Variants in CHD7 observed in about 807,000 individuals in gnomAD.
CHD7 encodes chromodomain helicase DNA binding protein 7.
CHD7 carries 24 observed loss-of-function variants against 307.3 expected under a neutral mutation model. The ratio of observed to expected loss-of-function variants is 0.08; its 90% CI spans 0.06 to 0.11. The LOEUF (loss-of-function observed/expected upper bound fraction) is 0.11, where lower values mean the gene tolerates loss of function less well. Among genes scored for constraint, CHD7 ranks in the 10% least tolerant of loss-of-function variants. The pLI is 1.00. For missense variants in CHD7, 3,106 were observed against 3,727.1 expected (o/e 0.83, Z 4.34); for synonymous variants, 1,363 against 1,349.9 (o/e 1.01, Z -0.21).
chr8:60,707,739 A>G (rs1458374639), intron 1 of CHD7, among the ~76,000 whole-genome samples: 1 of 152,208 alleles, frequency 6.6e-6, no homozygotes, highest in Non-Finnish European at 1.5e-5. Context: ...TTTAGTTATA[A>G]TTTATTCATA....
At chr8:60,782,269 C>T (rs971622043) in intron 3 of CHD7, among the ~76,000 whole-genome samples, 2 of 152,186 alleles carry the variant, frequency 1.3e-5, no homozygotes, top group African/African-American at 4.8e-5. Flanking sequence ...TTAGAAAACA[C>T]GCCCACCCCA....
chr8:60,776,914 A>G (rs1006289761), intron 2 of CHD7, among the ~76,000 whole-genome samples: 2 of 152,218 alleles, frequency 1.3e-5, no homozygotes, highest in African/African-American at 2.4e-5. Context: ...TTTTTAAGAT[A>G]CCAAATAGTA....
intron 1 of CHD7, among the ~76,000 whole-genome samples, chr8:60,725,836 G>A (rs902110851): frequency 1.3e-5 from 2 of 152,170 alleles, no homozygotes; most frequent in African/African-American, 4.8e-5. Flanking sequence ...CACACTCCAG[G>A]CTTATGGGAC....
intron 2 of CHD7, among the ~76,000 whole-genome samples, chr8:60,779,297 G>A (rs982916685): frequency 5.3e-5 from 8 of 152,110 alleles, no homozygotes; most frequent in African/African-American, 1.7e-4. Flanking sequence ...CAGAGTTCTG[G>A]GCTCTTTCTC....
chr8:60,745,214 A>C (rs1412595140), intron 2 of CHD7, among the ~76,000 whole-genome samples: 1 of 152,154 alleles, frequency 6.6e-6, no homozygotes, highest in East Asian at 1.9e-4. Flanking sequence ...TATTCCCTGG[A>C]AAGTTTCTTA....
At chr8:60,842,509 T>G (rs558828927) in intron 21 of CHD7, among the ~76,000 whole-genome samples, 11 of 152,338 alleles carry the variant, frequency 7.2e-5, no homozygotes, top group Non-Finnish European at 1.6e-4. Flanking sequence ...ATTTGAACTT[T>G]GTGAAAGTGT....
chr8:60,753,682 T>C (rs913526161), intron 2 of CHD7, among the ~76,000 whole-genome samples: 12 of 151,558 alleles, frequency 7.9e-5, no homozygotes, highest in African/African-American at 2.9e-4. Flanking sequence ...GAGTTTGCAG[T>C]GGTGCGATCT....
At position 60,781,010 on chromosome 8, in the gene CHD7, C is replaced by A; in HGVS notation, c.1676C>A (p.Ser559Ter). The A allele has an allele frequency of 6.4e-7, 1 of 1,558,948 alleles. No homozygotes were observed. ...ATTTGTGTCTCTCAGCATTCCCCGT[C>A]GGAGCCCTTTCTAGAGAAACCAGTG... ...QKVPVHQHSP[S>*]EPFLEKPVPD... Residue 559 changes from serine to a stop codon, truncating the protein, a stop_gained, in exon 3 of 38, where the codon TCG becomes TAG. Transcript: ENST00000423902. LOFTEE classifies it high-confidence loss of function.
intron 1 of CHD7, among the ~76,000 whole-genome samples, chr8:60,683,843 A>C (rs1033623659): frequency 6.6e-6 from 1 of 151,998 alleles, no homozygotes; most frequent in Non-Finnish European, 1.5e-5. Flanking sequence ...AGAATCCTAC[A>C]GCATAGGACA....
At chr8:60,772,268 C>T (rs1810747721) in intron 2 of CHD7, among the ~76,000 whole-genome samples, 1 of 152,104 alleles carries the variant, frequency 6.6e-6, no homozygotes, top group South Asian at 2.1e-4. Flanking sequence ...CCCAATTCTG[C>T]ACAAACCCCT....
At chr8:60,707,230 A>G (rs1249153538) in intron 1 of CHD7, among the ~76,000 whole-genome samples, 1 of 152,218 alleles carries the variant, frequency 6.6e-6, no homozygotes. Flanking sequence ...TTATTCATGC[A>G]TCCACAGAGG....
chr8:60,748,948 AC>A (rs1809473320), intron 2 of CHD7, among the ~76,000 whole-genome samples: 1 of 152,080 alleles, frequency 6.6e-6, no homozygotes, highest in African/African-American at 2.4e-5. Context: ...ATTAAAAAAA[AC>A]CTGGAAGAAT....
At chr8:60,717,485 C>G (rs2150536085) in intron 1 of CHD7, among the ~76,000 whole-genome samples, 1 of 152,122 alleles carries the variant, frequency 6.6e-6, no homozygotes, top group East Asian at 1.9e-4. Flanking sequence ...AGTATGTGAC[C>G]CTAGTTTCTT....
At chr8:60,774,870 T>A (rs1292272419) in intron 2 of CHD7, among the ~76,000 whole-genome samples, 2 of 152,306 alleles carry the variant, frequency 1.3e-5, no homozygotes, top group Admixed American at 1.3e-4. Flanking sequence ...TTTTACACAT[T>A]GTGAATGCTG....
Sources: allele counts gnomAD v4.1 joint callset (sites outside exome capture counted in the v4.1 genomes callset), GRCh38; gene constraint gnomAD v4.1.1; transcripts MANE v1.5; gene names NCBI Gene and HGNC (gene_info 2026-07-23, HGNC 2026-07-21).